The following LINGO1 variants were observed in gnomAD, a reference collection of about 807,000 sequenced individuals.
The protein encoded by LINGO1 is leucine rich repeat and Ig domain containing 1.
In LINGO1, 11 loss-of-function variants were observed where a neutral mutation model predicts 37.3. The observed-to-expected ratio is 0.29, with a 90% CI of 0.19 to 0.49. LINGO1 has a LOEUF of 0.49. Among genes scored for constraint, LINGO1 ranks in the 20% least tolerant of loss-of-function variants. The probability of loss-of-function intolerance (pLI) is 0.99; values close to 1 mark genes in which losing one functional copy is unlikely to be tolerated. For missense variants in LINGO1, 585 were observed against 878.2 expected, an observed-to-expected ratio of 0.67 and a Z score of 4.22; for synonymous variants, 387 against 403.0, an observed-to-expected ratio of 0.96 and a Z score of 0.48.
intron 1 of LINGO1, chr15:77,819,885 TC>T (rs534884837): frequency 0.036 from 5,239 of 147,416 alleles, 143 homozygotes; most frequent in Non-Finnish European, 0.052. Context: ...GCCGCCCTTC[TC>T]CCCCCCTTCC....
At chr15:77,650,122 G>A (rs2074726659) in intron 3 of LINGO1, among the ~76,000 whole-genome samples, 1 of 152,240 alleles carries the variant, frequency 6.6e-6, no homozygotes, top group South Asian at 2.1e-4. Flanking sequence ...TGAGATGAAG[G>A]TGCTTTGCTG....
intron 1 of LINGO1, among the ~76,000 whole-genome samples, chr15:77,803,221 G>C (rs559811681): frequency 6.6e-6 from 1 of 152,148 alleles, no homozygotes; most frequent in African/African-American, 2.4e-5. Context: ...GGTAGGGGCT[G>C]GGTCTTGCTC....
chr15:77,803,149 C>T (rs1389163669), intron 1 of LINGO1, among the ~76,000 whole-genome samples: 1 of 152,342 alleles, frequency 6.6e-6, no homozygotes, highest in African/African-American at 2.4e-5. Flanking sequence ...CCACCCTGTG[C>T]TCACCTCTGT....
intron 2 of LINGO1, among the ~76,000 whole-genome samples, chr15:77,733,714 G>A (rs2076175534): frequency 6.6e-6 from 1 of 152,200 alleles, no homozygotes; most frequent in South Asian, 2.1e-4. Flanking sequence ...AAAAAGAGGT[G>A]ATCAACCAAC....
In LINGO1 at chr15:77,615,446, T is replaced by C. The variant is rs757926173; in HGVS notation, c.461A>G (p.Lys154Arg). 101 of 1,613,930 alleles carry C rather than the reference T, an allele frequency of 6.3e-5. No homozygotes were observed. Among genetic ancestry groups the C allele is most frequent in the Admixed American group, 8.3e-5 (5 of 60,008 alleles). The change falls in exon 2 of 2, where the codon AAG (lysine) becomes AGG (arginine). Residue 154 changes from lysine to arginine, a missense_variant. By Grantham distance (26) the Lys-to-Arg change is conservative. Transcript: ENST00000355300. ...NLTKLDISEN[K>R]IVILLDYMFQ... ...CATGTAGTCCAGTAGGATAACGATC[T>C]TGTTCTCGCTGATGTCCAGCTTGGT...
At chr15:77,693,008 G>A (rs980555213) in intron 1 of LINGO1, among the ~76,000 whole-genome samples, 1 of 152,316 alleles carries the variant, frequency 6.6e-6, no homozygotes, top group African/African-American at 2.4e-5. Flanking sequence ...TCCTACGCAC[G>A]CAGGGCTTCA....
At chr15:77,745,105 G>A (rs186173237) in intron 1 of LINGO1, among the ~76,000 whole-genome samples, 10 of 132,666 alleles carry the variant, frequency 7.5e-5, no homozygotes, top group East Asian at 4.6e-4. Flanking sequence ...CAGTCTGGGC[G>A]AGAGAGCAAG....
In LINGO1 at chr15:77,810,003, CCCAG is replaced by C. The variant is rs2076990507; in HGVS notation, c.-458+10251_-458+10254del. 2.0e-5 allele frequency among the ~76,000 whole-genome samples: 3 copies of C among 152,110 alleles called. No homozygotes were observed. The South Asian group carries it at 6.2e-4, about 32-fold the overall frequency. Reference sequence around the variant, plus strand: ...TCACTCCCACTCTGGCTGCCTTTCTCCCAGTGGCCTCTCCCACCCTCCTCCCCCA... The same window carrying C: ...TCACTCCCACTCTGGCTGCCTTTCTCTGGCCTCTCCCACCCTCCTCCCCCA... On this transcript the variant is annotated intron_variant, in intron 1 of 5. Transcript: ENST00000562933.
chr15:77,723,093 T>C (rs1483249037), intron 2 of LINGO1, among the ~76,000 whole-genome samples: 1 of 152,166 alleles, frequency 6.6e-6, no homozygotes, highest in Admixed American at 6.5e-5. Context: ...TAGTTTTCTG[T>C]CTGTCGTTAA....
intron 1 of LINGO1, among the ~76,000 whole-genome samples, chr15:77,763,696 C>G (rs1308584892): frequency 6.6e-6 from 1 of 152,186 alleles, no homozygotes; most frequent in Non-Finnish European, 1.5e-5. Context: ...TCCCCCAGGG[C>G]TGCATCTGCA....
At chr15:77,717,431 T>C (rs1489824788) in intron 2 of LINGO1, among the ~76,000 whole-genome samples, 5 of 150,646 alleles carry the variant, frequency 3.3e-5, no homozygotes, top group Non-Finnish European at 7.4e-5. Flanking sequence ...CCAGTGTGTC[T>C]ACCAAGGCGA....
intron 2 of LINGO1, among the ~76,000 whole-genome samples, chr15:77,683,932 C>G (rs1386894264): frequency 6.6e-6 from 1 of 152,102 alleles, no homozygotes; most frequent in African/African-American, 2.4e-5. Flanking sequence ...CCTGAGGACA[C>G]AGCCTCTGGG....
intron 1 of LINGO1, among the ~76,000 whole-genome samples, chr15:77,630,948 T>C (rs553525149): frequency 6.6e-6 from 1 of 152,170 alleles, no homozygotes; most frequent in African/African-American, 2.4e-5. Context: ...AGGCATGCCA[T>C]CCCAGTAGAC....
intron 3 of LINGO1, among the ~76,000 whole-genome samples, chr15:77,664,170 T>TGTGCGCGCGCGCGTGCGC: frequency 2.1e-4 from 27 of 131,010 alleles, no homozygotes; most frequent in Middle Eastern, 3.6e-3. Context: ...TGTGTGTGTG[T>TGTGCGCGCGCGCGTGCGC]GCGCGCGCGC....
intron 2 of LINGO1, among the ~76,000 whole-genome samples, chr15:77,689,155 T>A (rs150028502): frequency 6.6e-6 from 1 of 152,106 alleles, no homozygotes. Context: ...AGAAGAGGAA[T>A]CACTAGAGGA....
At chr15:77,812,814 C>T (rs932493439) in intron 1 of LINGO1, among the ~76,000 whole-genome samples, 4 of 152,258 alleles carry the variant, frequency 2.6e-5, no homozygotes, top group African/African-American at 9.6e-5. Context: ...TGGCCCCGCC[C>T]CATCCTGGCA....
At chr15:77,653,814 T>TG (rs60378499) in intron 3 of LINGO1, among the ~76,000 whole-genome samples, 30,024 of 152,090 alleles carry the variant, frequency 0.2, 4,415 homozygotes, top group African/African-American at 0.42. Flanking sequence ...TCTTTGGAGC[T>TG]GGGGTGGAGG....
intron 1 of LINGO1, among the ~76,000 whole-genome samples, chr15:77,627,267 C>A (rs1021005907): frequency 4.6e-5 from 7 of 152,086 alleles, no homozygotes; most frequent in African/African-American, 1.7e-4. Flanking sequence ...CTTTAACCAG[C>A]TCCAGGGGCC....
intron 1 of LINGO1, among the ~76,000 whole-genome samples, chr15:77,818,975 G>A (rs2077072043): frequency 7.1e-6 from 1 of 141,086 alleles, no homozygotes; most frequent in Non-Finnish European, 1.5e-5. Context: ...CACCCCTCCC[G>A]GCCCGCCGCG....
Sources: gnomAD v4.1 joint callset for allele counts (sites outside exome capture counted in the v4.1 genomes callset) on GRCh38, gnomAD v4.1.1 for gene constraint, MANE v1.5 for transcripts, NCBI Gene and HGNC (gene_info 2026-07-23, HGNC 2026-07-21) for gene names.